The following LRRC28 variants were observed in gnomAD, a reference collection of about 807,000 sequenced individuals.
The protein encoded by LRRC28 is leucine-rich repeat-containing protein 28.
Under a neutral mutation model 45.7 loss-of-function variants are expected in LRRC28, and 39 were observed. The observed-to-expected ratio is 0.85, with a 90% CI of 0.66 to 1.12. The LOEUF (loss-of-function observed/expected upper bound fraction) is 1.12. Among genes scored for constraint, LRRC28 ranks in the 50% most tolerant of loss-of-function variants. The pLI is 0.00. For missense variants in LRRC28, 435 were observed against 438.5 expected (o/e 0.99, Z 0.07); for synonymous variants, 206 against 178.8 (o/e 1.15, Z -1.22).
chr15:99,383,797 G>A (rs1957901439), intron 9 of LRRC28, among the ~76,000 whole-genome samples: 1 of 152,130 alleles, frequency 6.6e-6, no homozygotes, highest in Admixed American at 6.5e-5. Context: ...CCGCCACCCT[G>A]GGTCCTCTCT....
At chr15:99,380,396 C>A (rs547478083) in intron 9 of LRRC28, among the ~76,000 whole-genome samples, 1 of 152,224 alleles carries the variant, frequency 6.6e-6, no homozygotes, top group East Asian at 1.9e-4. Context: ...CTTGGTAGAT[C>A]TTCCTCCATC....
intron 6 of LRRC28, among the ~76,000 whole-genome samples, chr15:99,334,662 G>GTA (rs1157594708): frequency 6.6e-6 from 1 of 152,088 alleles, no homozygotes; most frequent in Non-Finnish European, 1.5e-5. Flanking sequence ...GTAGAGTTCT[G>GTA]TAGCTGACCC....
intron 5 of LRRC28, among the ~76,000 whole-genome samples, chr15:99,290,218 C>T (rs1174649807): frequency 6.7e-6 from 1 of 150,290 alleles, no homozygotes; most frequent in Non-Finnish European, 1.5e-5. Flanking sequence ...GAGATTGCAC[C>T]ACTGCACTCC....
intron 2 of LRRC28, among the ~76,000 whole-genome samples, chr15:99,272,499 T>C (rs1386961802): frequency 2.0e-5 from 3 of 152,236 alleles, no homozygotes; most frequent in Admixed American, 6.5e-5. Flanking sequence ...CAGAAAATAC[T>C]ATTGAACATG....
rs576410887 is a variant in LRRC28 at position 99,321,470 on chromosome 15, A to G, written c.386-12453A>G. 2.0e-5 allele frequency among the ~76,000 whole-genome samples: 3 copies of G among 152,338 alleles called. No individual in the cohort carries two copies. The South Asian group carries it at 6.2e-4, about 32-fold the overall frequency. On this transcript the variant is annotated intron_variant, in intron 5 of 9. Transcript: ENST00000301981. ...GCTGGCGTTCGGTCAGTAATGTCTT[A>G]TAGAATACTCCCATCACTTGCATTC...
intron 5 of LRRC28, among the ~76,000 whole-genome samples, chr15:99,307,162 T>C (rs1955215616): frequency 6.7e-6 from 1 of 149,578 alleles, no homozygotes; most frequent in African/African-American, 2.4e-5. Context: ...CATCTTTTAC[T>C]AGACTTTTGG....
chr15:99,261,544 CCCGACCT>C (rs1567603089), intron 2 of LRRC28, among the ~76,000 whole-genome samples: 1 of 152,106 alleles, frequency 6.6e-6, no homozygotes, highest in East Asian at 1.9e-4. Flanking sequence ...AGGGTCTCTC[CCCGACCT>C]CTTTTAAAGG....
At chr15:99,311,468 C>G (rs1370913730) in intron 5 of LRRC28, among the ~76,000 whole-genome samples, 1 of 152,186 alleles carries the variant, frequency 6.6e-6, no homozygotes, top group African/African-American at 2.4e-5. Flanking sequence ...GCACATTTCT[C>G]AAATTTCTTC....
chr15:99,334,039 C>G lies in LRRC28; in HGVS notation c.502C>G (p.Arg168Gly), dbSNP rs753306548. The change falls in exon 6 of 10, where the codon CGT becomes GGT. Residue 168 changes from arginine (R) to glycine (G), a missense_variant. By Grantham distance (125) the Arg-to-Gly change is moderately radical. Transcript: ENST00000301981. ...SLQYLTVDRN[R>G]LWYVPRHLCQ... ...GCAGTACCTCACTGTGGACCGAAAT[C>G]GTCTATGGTATGTGCCGCGCCATCT... 1 of 1,614,108 alleles carries G rather than the reference C, an allele frequency of 6.2e-7. No homozygotes were observed. The highest frequency in any genetic ancestry group is 2.2e-5 in the East Asian group (1 of 44,890).
chr15:99,372,275 T>TA (rs1380396935), intron 9 of LRRC28, among the ~76,000 whole-genome samples: 2 of 152,242 alleles, frequency 1.3e-5, no homozygotes, highest in African/African-American at 2.4e-5. Context: ...TTCTGTATTT[T>TA]AAAACCAAGC....
chr15:99,289,141 C>T (rs2082040731), intron 5 of LRRC28, among the ~76,000 whole-genome samples: 1 of 152,034 alleles, frequency 6.6e-6, no homozygotes, highest in African/African-American at 2.4e-5. Context: ...TATTGAGAGC[C>T]ACCATTAAAC....
At chr15:99,259,161 A>G in intron 2 of LRRC28, 13 of 1,291,958 alleles carry the variant, frequency 1.0e-5, no homozygotes, top group African/African-American at 1.5e-5. Context: ...CAGTCTTCTC[A>G]TCATCCAGCT....
chr15:99,256,543 G>A (rs962935172), intron 2 of LRRC28, among the ~76,000 whole-genome samples: 7 of 152,190 alleles, frequency 4.6e-5, no homozygotes, highest in Non-Finnish European at 7.4e-5. Context: ...AGGCATTAAA[G>A]GGAGAATGAT....
At chr15:99,360,956 A>G (rs1201364785) in intron 7 of LRRC28, 1 of 155,842 alleles carries the variant, frequency 6.4e-6, no homozygotes, top group African/African-American at 2.4e-5. Context: ...GCTGTTACTC[A>G]ACAAAGTACT....
intron 2 of LRRC28, among the ~76,000 whole-genome samples, chr15:99,268,394 A>G (rs952509668): frequency 6.6e-6 from 1 of 152,148 alleles, no homozygotes; most frequent in African/African-American, 2.4e-5. Context: ...GTTTAGAAAG[A>G]GGTGGCAGGG....
At chr15:99,324,297 G>C (rs907591222) in intron 5 of LRRC28, among the ~76,000 whole-genome samples, 1 of 152,144 alleles carries the variant, frequency 6.6e-6, no homozygotes, top group Non-Finnish European at 1.5e-5. Flanking sequence ...TTAATTTTTG[G>C]AATTTTCCAT....
chr15:99,298,750 G>T (rs749939369), intron 5 of LRRC28, among the ~76,000 whole-genome samples: 1 of 152,012 alleles, frequency 6.6e-6, no homozygotes, highest in Non-Finnish European at 1.5e-5. Flanking sequence ...GCTCTGTTGC[G>T]CAGGCTGGAG....
intron 6 of LRRC28, 25 bp downstream of exon 6, chr15:99,334,154 G>A: frequency 6.2e-7 from 1 of 1,612,634 alleles, no homozygotes; most frequent in African/African-American, 1.3e-5. Flanking sequence ...TTAAAGTAAA[G>A]CAGCCAAAGA....
chr15:99,380,339 G>A lies in LRRC28; in HGVS notation c.1032-5691G>A, dbSNP rs905061106. On this transcript the variant is annotated intron_variant, in intron 9 of 9. Transcript: ENST00000301981. ...TCTTTGTTGGTTTAAAGTCTGTTTT[G>A]TCAGAGACTAGGATTGCAACCCTTG... is the stretch of plus-strand genomic sequence containing the variant. Among the ~76,000 whole-genome samples, 4 of 152,084 alleles carry A rather than the reference G, an allele frequency of 2.6e-5. No individual in the cohort carries two copies. In the South Asian group the frequency reaches 8.3e-4, roughly 32 times the overall value.
Sources: allele counts gnomAD v4.1 joint callset (sites outside exome capture counted in the v4.1 genomes callset), GRCh38; gene constraint gnomAD v4.1.1; transcripts MANE v1.5; gene names NCBI Gene and HGNC (gene_info 2026-07-23, HGNC 2026-07-21).